The following WWOX variants were observed in gnomAD, a reference collection of about 807,000 sequenced individuals.
WWOX encodes WW domain-containing oxidoreductase.
Under a neutral mutation model 46.2 loss-of-function variants are expected in WWOX, and 69 were observed. The observed-to-expected ratio is 1.49, with a 90% CI of 1.23 to 1.82. The LOEUF (loss-of-function observed/expected upper bound fraction) is 1.82, where lower values mean the gene tolerates loss of function less well. Ranked by LOEUF, WWOX falls within the 40% of genes most tolerant of loss-of-function variation. The probability of loss-of-function intolerance (pLI) is 0.00; values close to 1 mark genes in which losing one functional copy is unlikely to be tolerated. For synonymous variants in WWOX, 359 were observed against 202.6 expected (o/e 1.77, Z -6.56); for missense variants, 919 against 542.6 (o/e 1.69, Z -6.89).
At chr16:79,106,402 C>G (rs755501686) in intron 8 of WWOX, among the ~76,000 whole-genome samples, 17 of 152,072 alleles carry the variant, frequency 1.1e-4, no homozygotes, top group Non-Finnish European at 2.2e-4. Context: ...CATGATTCCT[C>G]TTACCTCTAA....
chr16:78,633,469 C>G (rs1404133347), intron 8 of WWOX, among the ~76,000 whole-genome samples: 1 of 152,196 alleles, frequency 6.6e-6, no homozygotes, highest in Non-Finnish European at 1.5e-5. Context: ...GACTTTAAAA[C>G]AGAACCACGA....
chr16:79,132,298 C>G (rs1004638334), intron 8 of WWOX, among the ~76,000 whole-genome samples: 3 of 152,136 alleles, frequency 2.0e-5, no homozygotes, highest in African/African-American at 7.2e-5. Flanking sequence ...GAAGAGGGCA[C>G]CTAGGCTTTG....
intron 8 of WWOX, among the ~76,000 whole-genome samples, chr16:79,097,028 T>C (rs890951897): frequency 6.6e-6 from 1 of 151,988 alleles, no homozygotes; most frequent in Admixed American, 6.6e-5. Flanking sequence ...ATAGAAGGCA[T>C]AGAAGGATCT....
At chr16:78,371,649 A>T (rs1472700350) in intron 5 of WWOX, among the ~76,000 whole-genome samples, 1 of 151,984 alleles carries the variant, frequency 6.6e-6, no homozygotes, top group East Asian at 1.9e-4. Context: ...TTCTTGCTTA[A>T]TTATTTTTCC....
chr16:78,121,173 A>G (rs1597228338), intron 4 of WWOX, among the ~76,000 whole-genome samples: 1 of 152,312 alleles, frequency 6.6e-6, no homozygotes, highest in East Asian at 1.9e-4. Context: ...TTATCTTTTT[A>G]AAAACCTGGT....
chr16:79,040,567 G>C (rs1482505063), intron 8 of WWOX, among the ~76,000 whole-genome samples: 8 of 152,030 alleles, frequency 5.3e-5, no homozygotes, highest in Admixed American at 3.9e-4. Context: ...TCAGCCACTG[G>C]GCCTGGCCTG....
chr16:78,589,480 C>G (rs2045300617), intron 8 of WWOX, among the ~76,000 whole-genome samples: 2 of 152,288 alleles, frequency 1.3e-5, no homozygotes, highest in Admixed American at 1.3e-4. Context: ...TCCTGCCACT[C>G]TTTTCCTCAT....
intron 8 of WWOX, among the ~76,000 whole-genome samples, chr16:78,726,571 C>G (rs905793928): frequency 3.3e-5 from 5 of 149,318 alleles, no homozygotes; most frequent in Admixed American, 6.6e-5. Flanking sequence ...TTTTGTTCCC[C>G]CATGGGATAG....
chr16:78,415,739 C>A (rs1481913781), intron 6 of WWOX, among the ~76,000 whole-genome samples: 1 of 152,138 alleles, frequency 6.6e-6, no homozygotes, highest in Non-Finnish European at 1.5e-5. Flanking sequence ...GAAGTGCCAC[C>A]TCACTCCACT....
chr16:78,830,667 C>T (rs1231384046), intron 8 of WWOX, among the ~76,000 whole-genome samples: 1 of 151,682 alleles, frequency 6.6e-6, no homozygotes, highest in African/African-American at 2.4e-5. Flanking sequence ...TCTGCAGCAC[C>T]GATTGGGGCT....
intron 8 of WWOX, among the ~76,000 whole-genome samples, chr16:78,436,404 G>C (rs1210402760): frequency 2.0e-5 from 3 of 152,150 alleles, no homozygotes; most frequent in African/African-American, 7.2e-5. Context: ...TCTTGTTTCT[G>C]ACCTTGAGTG....
At chr16:78,923,719 C>G (rs569250019) in intron 8 of WWOX, among the ~76,000 whole-genome samples, 1 of 148,064 alleles carries the variant, frequency 6.8e-6, no homozygotes, top group East Asian at 2.0e-4. Flanking sequence ...TTTTATCTGC[C>G]TTGGAAATGT....
At chr16:78,932,008 C>G (rs950403656) in intron 8 of WWOX, among the ~76,000 whole-genome samples, 5 of 152,248 alleles carry the variant, frequency 3.3e-5, no homozygotes, top group African/African-American at 1.2e-4. Flanking sequence ...CATGTGTTTG[C>G]TCCACATTGG....
intron 5 of WWOX, among the ~76,000 whole-genome samples, chr16:78,382,591 G>T (rs578001625): frequency 5.3e-5 from 8 of 152,304 alleles, no homozygotes; most frequent in African/African-American, 1.9e-4. Context: ...TGACCACTCT[G>T]ACGTACTAAA....
intron 8 of WWOX, among the ~76,000 whole-genome samples, chr16:78,925,493 C>G (rs2045477654): frequency 6.6e-6 from 1 of 152,164 alleles, no homozygotes; most frequent in Non-Finnish European, 1.5e-5. Flanking sequence ...GCTTTAAGTT[C>G]CCAGCGTCTT....
At chr16:79,047,646 G>T (rs191067314) in intron 8 of WWOX, among the ~76,000 whole-genome samples, 181 of 149,448 alleles carry the variant, frequency 1.2e-3, no homozygotes, top group African/African-American at 4.2e-3. Flanking sequence ...GTCAGAACTG[G>T]GTGACTTTCT....
At chr16:78,254,207 T>A (rs1278513601) in intron 5 of WWOX, among the ~76,000 whole-genome samples, 1 of 151,676 alleles carries the variant, frequency 6.6e-6, no homozygotes, top group African/African-American at 2.4e-5. Context: ...ACTACAGGTA[T>A]TCACCACCAA....
intron 6 of WWOX, among the ~76,000 whole-genome samples, chr16:78,416,628 A>T (rs2082802808): frequency 6.6e-6 from 1 of 152,226 alleles, no homozygotes; most frequent in South Asian, 2.1e-4. Flanking sequence ...ATGTACAGGC[A>T]AGAATAAAAG....
chr16:78,152,082 C>T (rs899397312), intron 4 of WWOX, among the ~76,000 whole-genome samples: 5 of 151,780 alleles, frequency 3.3e-5, no homozygotes, highest in South Asian at 2.1e-4. Context: ...CCCAGCTACT[C>T]GGGAGGCTGA....
Sources: allele counts gnomAD v4.1 joint callset (sites outside exome capture counted in the v4.1 genomes callset), GRCh38; gene constraint gnomAD v4.1.1; transcripts MANE v1.5; gene names NCBI Gene and HGNC (gene_info 2026-07-23, HGNC 2026-07-21).